Variants in TMEM164 observed in about 807,000 individuals in gnomAD.
The protein encoded by TMEM164 is transmembrane protein 164.
TMEM164 carries 4 observed loss-of-function variants against 18.8 expected under a neutral mutation model. The ratio of observed to expected loss-of-function variants is 0.21; its 90% CI spans 0.10 to 0.49. TMEM164 has a LOEUF of 0.49. TMEM164 is among the 20% of genes least tolerant of loss of function. The pLI is 0.98. For missense variants in TMEM164, 108 were observed against 239.9 expected (o/e 0.45, Z 3.63); for synonymous variants, 86 against 101.7 (o/e 0.85, Z 0.93).
At chrX:110,035,406 C>T (rs889135264) in intron 2 of TMEM164, among the ~76,000 whole-genome samples, 3 of 110,233 alleles carry the variant, frequency 2.7e-5, no homozygotes, top group Non-Finnish European at 5.7e-5. Context: ...TCCTCATAAA[C>T]GTTTCCTGTG....
intron 4 of TMEM164, among the ~76,000 whole-genome samples, chrX:110,129,319 G>A (rs2066579914): frequency 1.8e-5 from 2 of 112,787 alleles, no homozygotes; most frequent in East Asian, 2.8e-4. Flanking sequence ...TTACACTGAA[G>A]TGTAGCTTTT....
downstream of TMEM164, among the ~76,000 whole-genome samples, chrX:110,180,833 T>A (rs973264784): frequency 2.5e-4 from 28 of 111,741 alleles, no homozygotes; most frequent in Non-Finnish European, 1.9e-4. Flanking sequence ...CCAGCAGGCC[T>A]CTCTGCTCCC....
intron 3 of TMEM164, among the ~76,000 whole-genome samples, chrX:110,068,882 ATTGT>A (rs766933739): frequency 3.3e-3 from 373 of 111,869 alleles, no homozygotes; most frequent in Non-Finnish European, 5.3e-3. Context: ...GTTGTTGTTC[ATTGT>A]TTGTTTTACA....
chrX:110,009,731 A>G (rs140649366), intron 2 of TMEM164, among the ~76,000 whole-genome samples: 1,369 of 111,680 alleles, frequency 0.012, 25 homozygotes, highest in African/African-American at 0.043. Flanking sequence ...ATGGTGGCAC[A>G]CGCCTGTAAT....
intron 2 of TMEM164, among the ~76,000 whole-genome samples, chrX:110,014,635 A>G (rs1215825645): frequency 9.5e-6 from 1 of 105,386 alleles, no homozygotes; most frequent in African/African-American, 3.4e-5. Flanking sequence ...CTCTCTTGAG[A>G]TTGGTAGTCT....
chrX:110,009,870 G>A (rs1440520637), intron 2 of TMEM164, among the ~76,000 whole-genome samples: 10 of 110,079 alleles, frequency 9.1e-5, no homozygotes, highest in Non-Finnish European at 3.8e-5. Context: ...GCACGCGCCT[G>A]TAGTCCCAGC....
intron 3 of TMEM164, among the ~76,000 whole-genome samples, chrX:110,076,541 T>C (rs1260468942): frequency 9.0e-6 from 1 of 111,460 alleles, no homozygotes; most frequent in African/African-American, 3.3e-5. Context: ...GTTTTCTAGT[T>C]CCTCTAGACA....
At chrX:110,046,142 C>A in intron 2 of TMEM164, 1 of 754,150 alleles carries the variant, frequency 1.3e-6, no homozygotes, top group Non-Finnish European at 1.6e-6. Context: ...TTACGGGGAA[C>A]AGTGGAAAAA....
intron 3 of TMEM164, among the ~76,000 whole-genome samples, chrX:110,080,301 A>G (rs1311641620): frequency 8.9e-6 from 1 of 112,062 alleles, no homozygotes; most frequent in Non-Finnish European, 1.9e-5. Context: ...ATTTCCCATT[A>G]ACTTATTGAA....
chrX:110,091,419 A>G (rs763454562), intron 3 of TMEM164, among the ~76,000 whole-genome samples: 1 of 112,035 alleles, frequency 8.9e-6, no homozygotes, highest in East Asian at 2.8e-4. Flanking sequence ...GTGAGATGGT[A>G]TCTCACTGTG....
chrX:110,017,415 T>TTTCCTTCTTTCC (rs1236234390), intron 2 of TMEM164, among the ~76,000 whole-genome samples: 2 of 31,478 alleles, frequency 6.4e-5, no homozygotes, highest in African/African-American at 1.5e-4. Context: ...CCTTTCTTTC[T>TTTCCTTCTTTCC]TTCTTTCTTT....
At chrX:110,134,348 G>A (rs2066654421) in intron 4 of TMEM164, among the ~76,000 whole-genome samples, 1 of 110,546 alleles carries the variant, frequency 9.0e-6, no homozygotes, top group East Asian at 2.8e-4. Flanking sequence ...CCAGGAGTTC[G>A]AGACAAGTCT....
intron 4 of TMEM164, among the ~76,000 whole-genome samples, chrX:110,110,406 T>C (rs1027715649): frequency 3.6e-5 from 4 of 112,220 alleles, no homozygotes; most frequent in Admixed American, 9.4e-5. Flanking sequence ...CATCATACTG[T>C]ACGTACCTTA....
At chrX:110,152,056 C>CTTTTTTTTTTTTT (rs755801649) in intron 5 of TMEM164, among the ~76,000 whole-genome samples, 1 of 77,496 alleles carries the variant, frequency 1.3e-5, no homozygotes, top group African/African-American at 5.4e-5. Flanking sequence ...CTTTTCTTTT[C>CTTTTTTTTTTTTT]TTTTTTTTTT....
chrX:110,161,729 AG>A (rs1290215463), intron 5 of TMEM164, among the ~76,000 whole-genome samples: 1 of 111,995 alleles, frequency 8.9e-6, no homozygotes, highest in Admixed American at 9.4e-5. Context: ...ATTCCCTCTA[AG>A]TCAGTGTTTC....
Position 110,173,419 on chromosome X carries a change from T to C in TMEM164, c.862T>C (p.Leu288=), listed in dbSNP as rs1319593446. ...AGPLCKYLLD[L]LRLPAKKID ...GCCCTTGTGTAAATATCTGCTGGAT[T>C]TGCTCCGGCTTCCAGCCAAGAAAAT... is the stretch of plus-strand genomic sequence containing the variant. Residue 288 remains leucine (L), a synonymous_variant, in exon 7 of 7, where the codon TTG becomes CTG. Coordinates refer to ENST00000372068, the MANE Select transcript of TMEM164 (RefSeq NM_032227.4). The C allele has an allele frequency of 8.3e-7, 1 of 1,208,733 alleles. No individual in the cohort carries two copies. The highest frequency in any genetic ancestry group is 1.1e-6 in the Non-Finnish European group (1 of 894,955).
chrX:110,063,072 C>T (rs1027547803), intron 2 of TMEM164, among the ~76,000 whole-genome samples: 4 of 111,496 alleles, frequency 3.6e-5, no homozygotes, highest in African/African-American at 1.3e-4. Context: ...AAGCACTTGG[C>T]CTCAGCGATC....
At chrX:110,073,240 T>A (rs1242532577) in intron 3 of TMEM164, among the ~76,000 whole-genome samples, 1 of 111,321 alleles carries the variant, frequency 9.0e-6, no homozygotes, top group Non-Finnish European at 1.9e-5. Context: ...CTTTCTGTGT[T>A]GCCCAGGCTG....
intron 5 of TMEM164, among the ~76,000 whole-genome samples, chrX:110,160,300 C>T (rs949563455): frequency 1.4e-4 from 16 of 111,493 alleles, no homozygotes; most frequent in Admixed American, 6.6e-4. Context: ...TGGTATTAGC[C>T]CTACCTGTGT....
Sources: allele counts gnomAD v4.1 joint callset (sites outside exome capture counted in the v4.1 genomes callset), GRCh38; gene constraint gnomAD v4.1.1; transcripts MANE v1.5; gene names NCBI Gene and HGNC (gene_info 2026-07-23, HGNC 2026-07-21).